CFHR4: variants seen among roughly 807,000 people sequenced by gnomAD.
The protein encoded by CFHR4 is complement factor H related 4.
A neutral mutation model predicts 69.3 loss-of-function variants in CFHR4; 64 were observed. That is an observed-to-expected ratio of 0.92 (90% CI 0.76 to 1.14). The LOEUF is 1.14. Ranked by LOEUF, CFHR4 falls within the 50% of genes most tolerant of loss-of-function variation. The pLI, the probability that CFHR4 is intolerant of heterozygous loss-of-function variation, is 0.00. For missense variants in CFHR4, 636 were observed against 684.9 expected (o/e 0.93, Z 0.80); for synonymous variants, 244 against 237.0 (o/e 1.03, Z -0.27).
chr1:196,902,052 G>T (rs1400802307), intron 1 of CFHR4, among the ~76,000 whole-genome samples: 3 of 151,378 alleles, frequency 2.0e-5, no homozygotes, highest in Non-Finnish European at 4.4e-5. Flanking sequence ...TCTAGAGTTG[G>T]TCTGAGAAGA....
chr1:196,898,129 GA>G (rs538244967), intron 1 of CFHR4, among the ~76,000 whole-genome samples: 2,689 of 144,610 alleles, frequency 0.019, 150 homozygotes, highest in African/African-American at 0.063. Flanking sequence ...TTTCTTTTCA[GA>G]AAAAAAAAAA....
intron 9 of CFHR4, among the ~76,000 whole-genome samples, chr1:196,915,515 A>G (rs981958555): frequency 1.3e-5 from 2 of 151,386 alleles, no homozygotes; most frequent in Non-Finnish European, 2.9e-5. Flanking sequence ...TATGCCTGTA[A>G]TCCTAGCTAC....
chr1:196,901,687 T>G (rs561315758), intron 1 of CFHR4, among the ~76,000 whole-genome samples: 1 of 151,444 alleles, frequency 6.6e-6, no homozygotes, highest in East Asian at 1.9e-4. Context: ...AATAACATAG[T>G]GCTTAAACAT....
At chr1:196,901,827 A>G (rs963141610) in intron 1 of CFHR4, among the ~76,000 whole-genome samples, 4 of 151,480 alleles carry the variant, frequency 2.6e-5, no homozygotes, top group Non-Finnish European at 5.9e-5. Flanking sequence ...AATGCTTATT[A>G]CACTCTTAGA....
chr1:196,911,687 T>C lies in CFHR4; in HGVS notation c.998-1053T>C, dbSNP rs111626316. On this transcript the variant is annotated intron_variant, in intron 6 of 9. Coordinates refer to ENST00000608469, the MANE Select transcript of CFHR4 (RefSeq NM_001201550.3). ...GACAATGGGAATCTTCTTACCCCTT[T>C]GTAAGAGCAACTGTCCTCAACAATA... Among the ~76,000 whole-genome samples the C allele has an allele frequency of 4.4e-3, 662 of 151,570 alleles. 23 individuals carry two copies. The highest frequency in any genetic ancestry group is 0.016 in the African/African-American group (641 of 41,162).
intron 3 of CFHR4, among the ~76,000 whole-genome samples, chr1:196,906,493 A>C (rs1005430891): frequency 6.6e-5 from 10 of 151,590 alleles, no homozygotes; most frequent in African/African-American, 2.4e-4. Context: ...TGAGTACATA[A>C]ATATGTACAT....
chr1:196,902,976 T>C (rs902980350), intron 2 of CFHR4, among the ~76,000 whole-genome samples: 1 of 151,550 alleles, frequency 6.6e-6, no homozygotes, highest in Non-Finnish European at 1.5e-5. Context: ...CCAAAAATTA[T>C]TTTAATATAC....
In CFHR4 at chr1:196,902,601, C is replaced by T. The variant is rs199505584; in HGVS notation, c.242C>T (p.Thr81Met). The T allele has an allele frequency of 9.2e-5, 148 of 1,609,992 alleles. 4 individuals carry two copies. In the Admixed American group the frequency reaches 1.6e-3, roughly 17 times the overall value. ...IHCTQDGWSP[T>M]VPCLRTCSKS... ...TGCACACAAGATGGTTGGTCACCAA[C>T]GGTCCCATGCCTCAGTAAGTAAACC... The change falls in exon 2 of 10, where the codon ACG becomes ATG. Residue 81 changes from threonine (T) to methionine (M), a missense_variant. This residue lies in a region of CFHR4 where 529 missense variants were observed against 533.2 expected (regional missense o/e 0.99). Transcript: ENST00000608469.
At chr1:196,889,533 C>A (rs1656908265) in intron 1 of CFHR4, among the ~76,000 whole-genome samples, 1 of 151,412 alleles carries the variant, frequency 6.6e-6, no homozygotes, top group South Asian at 2.1e-4. Context: ...TTTGATATTC[C>A]AGTTGAAAAC....
chr1:196,898,542 A>G (rs1020207685), intron 1 of CFHR4, among the ~76,000 whole-genome samples: 2 of 151,612 alleles, frequency 1.3e-5, no homozygotes, highest in South Asian at 2.1e-4. Flanking sequence ...ATATGAATAG[A>G]TATTTCTCTA....
intron 1 of CFHR4, among the ~76,000 whole-genome samples, chr1:196,900,466 T>A (rs895783073): frequency 1.3e-5 from 2 of 151,338 alleles, no homozygotes; most frequent in Admixed American, 1.3e-4. Context: ...TACTTCCTTT[T>A]TGATTTTTTG....
chr1:196,912,864 T>C lies in CFHR4; in HGVS notation c.1122T>C (p.Asn374=). 2 of 1,611,384 alleles carry C rather than the reference T, an allele frequency of 1.2e-6. No individual in the cohort carries two copies. The highest frequency in any genetic ancestry group is 2.2e-5 in the South Asian group (2 of 90,708). Reference sequence around the variant, plus strand: ...CAGGATATGCAACAGCAGATGGAAATTCTTCAGGTTCAATTACATGTTTGC... The same window carrying C: ...CAGGATATGCAACAGCAGATGGAAACTCTTCAGGTTCAATTACATGTTTGC... The part of the protein sequence containing the change: ...CKPGYATADG[N]SSGSITCLQN... Residue 374 remains asparagine, a synonymous_variant, in exon 7 of 10, where the codon AAT becomes AAC. Transcript: ENST00000608469.
intron 3 of CFHR4, 133 bp downstream of exon 3, chr1:196,905,423 C>A: frequency 2.3e-6 from 3 of 1,282,612 alleles, no homozygotes; most frequent in Non-Finnish European, 3.2e-6. Context: ...CATCATCTAA[C>A]ATTCTGTGCC....
chr1:196,896,247 T>C (rs955471783), intron 1 of CFHR4, among the ~76,000 whole-genome samples: 1 of 150,936 alleles, frequency 6.6e-6, no homozygotes, highest in Non-Finnish European at 1.5e-5. Context: ...TGTCTGAATA[T>C]AGTAGGCTAT....
At chr1:196,905,946 T>C (rs1227582293) in intron 3 of CFHR4, among the ~76,000 whole-genome samples, 3 of 151,556 alleles carry the variant, frequency 2.0e-5, no homozygotes, top group Admixed American at 6.6e-5. Flanking sequence ...AATAAAGAGA[T>C]TGCATAATGA....
At chr1:196,903,173 G>A (rs915548215) in intron 2 of CFHR4, among the ~76,000 whole-genome samples, 7 of 151,324 alleles carry the variant, frequency 4.6e-5, no homozygotes, top group Non-Finnish European at 7.4e-5. Context: ...CAGTATGTCC[G>A]TAACTGTCTA....
chr1:196,891,753 T>C (rs1464915359), intron 1 of CFHR4, among the ~76,000 whole-genome samples: 1 of 151,482 alleles, frequency 6.6e-6, no homozygotes, highest in South Asian at 2.1e-4. Context: ...AATTATTTGC[T>C]ATTTAAATTG....
chr1:196,894,402 T>A (rs1353650008), intron 1 of CFHR4, among the ~76,000 whole-genome samples: 1 of 151,552 alleles, frequency 6.6e-6, no homozygotes, highest in Non-Finnish European at 1.5e-5. Context: ...ATTGAGGTCA[T>A]TATTTCTTCC....
chr1:196,916,798 A>C (rs1309824601), intron 9 of CFHR4, among the ~76,000 whole-genome samples: 1 of 151,524 alleles, frequency 6.6e-6, no homozygotes, highest in Non-Finnish European at 1.5e-5. Flanking sequence ...AAAGGATTAT[A>C]ATTATCTGAA....
Sources: gnomAD v4.1 joint callset for allele counts (sites outside exome capture counted in the v4.1 genomes callset) on GRCh38, gnomAD v4.1.1 for gene constraint, gnomAD v4.1.1 regional missense constraint, MANE v1.5 for transcripts, NCBI Gene and HGNC (gene_info 2026-07-23, HGNC 2026-07-21) for gene names.